EFHC2: variants seen among roughly 807,000 people sequenced by gnomAD.
EFHC2 encodes EF-hand domain-containing family member C2.
A neutral mutation model predicts 52.7 loss-of-function variants in EFHC2; 18 were observed. The observed-to-expected ratio is 0.34, with a 90% CI of 0.24 to 0.51. EFHC2 has a LOEUF of 0.51. EFHC2 is among the 20% of genes least tolerant of loss of function. The pLI, the probability that EFHC2 is intolerant of heterozygous loss-of-function variation, is 0.97. For missense variants in EFHC2, 513 were observed against 562.5 expected (o/e 0.91, Z 0.89); for synonymous variants, 203 against 204.1 (o/e 0.99, Z 0.04).
At chrX:44,226,356 A>G (rs1261193697) in intron 11 of EFHC2, among the ~76,000 whole-genome samples, 1 of 111,370 alleles carries the variant, frequency 9.0e-6, no homozygotes, top group East Asian at 2.8e-4. Flanking sequence ...GAGGTAGTTC[A>G]AGACGTATAA....
chrX:44,252,240 G>A (rs942455931), intron 4 of EFHC2, among the ~76,000 whole-genome samples: 1 of 111,719 alleles, frequency 9.0e-6, no homozygotes, highest in Non-Finnish European at 1.9e-5. Context: ...TCGCAGCCCT[G>A]TCGTGGAGTT....
At chrX:44,183,630 G>T (rs1217741470) in intron 11 of EFHC2, among the ~76,000 whole-genome samples, 2 of 111,967 alleles carry the variant, frequency 1.8e-5, no homozygotes, top group Non-Finnish European at 3.8e-5. Context: ...CATGTACAAA[G>T]CTCTTCAACT....
At chrX:44,251,779 G>C (rs1187206872) in intron 4 of EFHC2, among the ~76,000 whole-genome samples, 3 of 108,630 alleles carry the variant, frequency 2.8e-5, no homozygotes, top group African/African-American at 1.0e-4. Flanking sequence ...ATTGCCTCTG[G>C]GTAGGGAATT....
chrX:44,167,994 C>G (rs2147272242), intron 13 of EFHC2, among the ~76,000 whole-genome samples: 1 of 111,170 alleles, frequency 9.0e-6, no homozygotes, highest in Non-Finnish European at 1.9e-5. Flanking sequence ...GAAAAAAGAC[C>G]ACGGTAGAGA....
At chrX:44,304,769 G>A (rs17300116) in intron 2 of EFHC2, among the ~76,000 whole-genome samples, 2,004 of 108,840 alleles carry the variant, frequency 0.018, 15 homozygotes, top group Non-Finnish European at 0.028. Flanking sequence ...CCAATGCTAC[G>A]GGTTTTAAGC....
chrX:44,262,146 C>T (rs768716315), intron 3 of EFHC2, among the ~76,000 whole-genome samples: 1 of 110,864 alleles, frequency 9.0e-6, no homozygotes, highest in Non-Finnish European at 1.9e-5. Context: ...AGTGTACCAA[C>T]TATACCACAC....
chrX:44,171,501 A>G (rs1295467762), intron 13 of EFHC2, among the ~76,000 whole-genome samples: 2 of 111,632 alleles, frequency 1.8e-5, no homozygotes, highest in African/African-American at 6.5e-5. Flanking sequence ...CCATTACCCA[A>G]CGAACCCAGG....
At chrX:44,264,714 T>C (rs917320298) in intron 3 of EFHC2, among the ~76,000 whole-genome samples, 27 of 112,347 alleles carry the variant, frequency 2.4e-4, no homozygotes, top group African/African-American at 8.1e-4. Context: ...AACATATTCA[T>C]AGGATTTCTC....
chrX:44,177,016 T>C (rs752840545), intron 12 of EFHC2, among the ~76,000 whole-genome samples: 1 of 112,511 alleles, frequency 8.9e-6, no homozygotes, highest in African/African-American at 3.2e-5. Context: ...GGAAAGAAAG[T>C]TGGCTCTTTT....
intron 4 of EFHC2, among the ~76,000 whole-genome samples, chrX:44,256,450 A>C (rs1324095883): frequency 8.9e-6 from 1 of 111,920 alleles, no homozygotes; most frequent in Non-Finnish European, 1.9e-5. Flanking sequence ...AAAAAACGAT[A>C]AACAGGATAT....
At chrX:44,189,752 G>A (rs1361981452) in intron 11 of EFHC2, among the ~76,000 whole-genome samples, 1 of 111,128 alleles carries the variant, frequency 9.0e-6, no homozygotes, top group African/African-American at 3.3e-5. Flanking sequence ...TAGGGAGACA[G>A]GGCCATCATG....
At chrX:44,334,239 T>C (rs2038104231) in intron 1 of EFHC2, among the ~76,000 whole-genome samples, 1 of 112,067 alleles carries the variant, frequency 8.9e-6, no homozygotes, top group African/African-American at 3.2e-5. Flanking sequence ...TTCCTGAAAT[T>C]CAAATGAACA....
chrX:44,235,400 G>A lies in EFHC2; in HGVS notation c.1328C>T (p.Thr443Ile). The change falls in exon 9 of 15, where the codon ACA (threonine) becomes ATA (isoleucine). Residue 443 changes from threonine to isoleucine, a missense_variant. Transcript: ENST00000420999. Reference sequence around the variant, plus strand: ...CCTGTCCAAGTCAACACATTTGTCTGTGACTAGTTTTGCAAAAAAACGGAG... The same window carrying A: ...CCTGTCCAAGTCAACACATTTGTCTATGACTAGTTTTGCAAAAAAACGGAG... ...NILRFFAKLV[T>I]DKCVDLDRMF... 2 of 1,193,504 alleles carry A rather than the reference G, an allele frequency of 1.7e-6. No homozygotes were observed. The highest frequency in any genetic ancestry group is 1.1e-6 in the Non-Finnish European group (1 of 886,602).
At chrX:44,317,216 G>C (rs761385300) in intron 1 of EFHC2, among the ~76,000 whole-genome samples, 6 of 111,259 alleles carry the variant, frequency 5.4e-5, no homozygotes, top group Non-Finnish European at 9.4e-5. Context: ...TTGATCACAG[G>C]TTCATATTAT....
At chrX:44,275,800 G>A (rs2037652445) in intron 2 of EFHC2, among the ~76,000 whole-genome samples, 2 of 108,110 alleles carry the variant, frequency 1.8e-5, no homozygotes, top group South Asian at 8.4e-4. Flanking sequence ...TGTAATCCCA[G>A]CTACTCAAGA....
At chrX:44,211,126 G>A (rs1358001540) in intron 11 of EFHC2, among the ~76,000 whole-genome samples, 2 of 112,127 alleles carry the variant, frequency 1.8e-5, no homozygotes, top group Non-Finnish European at 3.8e-5. Flanking sequence ...ACAGCTATTA[G>A]GATAGCTAAA....
intron 11 of EFHC2, among the ~76,000 whole-genome samples, chrX:44,213,082 C>CAAAAAAAA (rs57451313): frequency 1.7e-5 from 1 of 59,317 alleles, no homozygotes; most frequent in Non-Finnish European, 3.2e-5. Context: ...TGCTAAAAGG[C>CAAAAAAAA]AAAAAAAAAA....
At position 44,250,297 on chromosome X, in the gene EFHC2, T is replaced by A. The variant is rs762938361; in HGVS notation, c.755A>T (p.His252Leu). ...MFGDRRELILHYFLCDDTIEI... is the reference protein window; with the variant it reads ...MFGDRRELILLYFLCDDTIEI... ...AATAGTATCATCACACAAGAAGTAA[T>A]GCAGGATGAGTTCTCTACGGTCTCC... The change falls in exon 5 of 15, where the codon CAT becomes CTT. Residue 252 changes from histidine to leucine, a missense_variant. His to Leu is a moderately conservative substitution (Grantham distance 99). Coordinates refer to ENST00000420999, the MANE Select transcript of EFHC2 (RefSeq NM_025184.4). 8.3e-7 allele frequency: 1 copy of A among 1,211,217 alleles called. No homozygotes were observed. The highest frequency in any genetic ancestry group is 1.1e-6 in the Non-Finnish European group (1 of 895,279).
chrX:44,317,620 T>C (rs2037991457), intron 1 of EFHC2, among the ~76,000 whole-genome samples: 2 of 112,528 alleles, frequency 1.8e-5, no homozygotes, highest in Non-Finnish European at 3.8e-5. Context: ...ACCTTGTCTC[T>C]ACATAAAATA....
Sources: allele counts gnomAD v4.1 joint callset (sites outside exome capture counted in the v4.1 genomes callset), GRCh38; gene constraint gnomAD v4.1.1; transcripts MANE v1.5; gene names NCBI Gene and HGNC (gene_info 2026-07-23, HGNC 2026-07-21).